Variants in ZC3H12B observed in about 807,000 individuals in gnomAD.
The protein encoded by ZC3H12B is probable ribonuclease ZC3H12B.
Under a neutral mutation model 43.9 loss-of-function variants are expected in ZC3H12B, and 7 were observed. The ratio of observed to expected loss-of-function variants is 0.16; its 90% confidence interval spans 0.09 to 0.30. The LOEUF is 0.30. Among genes scored for constraint, ZC3H12B ranks in the 10% least tolerant of loss-of-function variants. The pLI is 1.00. For synonymous variants in ZC3H12B, 222 were observed against 241.7 expected, an observed-to-expected ratio of 0.92 and a Z score of 0.76; for missense variants, 475 against 670.2, an observed-to-expected ratio of 0.71 and a Z score of 3.22.
At chrX:65,262,646 C>T in the ZC3H12B span, among the ~76,000 whole-genome samples, 2 of 110,098 alleles carry the variant, frequency 1.8e-5, no homozygotes, top group Admixed American at 1.9e-4. Flanking sequence ...CTAATTCTCA[C>T]AACATTGGAA....
exon 5 of ZC3H12B, chrX:65,502,650 C>T (rs1450796786): frequency 4.1e-6 from 5 of 1,209,702 alleles, no homozygotes; most frequent in Non-Finnish European, 5.6e-6. Flanking sequence ...AAGCAAGGCC[C>T]CCACAAACAG....
intron 3 of ZC3H12B, among the ~76,000 whole-genome samples, chrX:65,458,069 AAAAAAAAAAAAAAATT>A (rs2067659023): frequency 4.5e-5 from 4 of 89,204 alleles, no homozygotes; most frequent in African/African-American, 1.6e-4. Context: ...CAATAAAAAA[AAAAAAAAAAAAAAATT>A]AAAAAAAAAA....
At chrX:65,395,026 A>G (rs2066678057) in intron 2 of ZC3H12B, among the ~76,000 whole-genome samples, 1 of 111,661 alleles carries the variant, frequency 9.0e-6, no homozygotes, top group African/African-American at 3.3e-5. Flanking sequence ...ATTGGTGTAT[A>G]GGAATGCTTG....
chrX:65,295,908 A>AT, the ZC3H12B span, among the ~76,000 whole-genome samples: 1 of 111,541 alleles, frequency 9.0e-6, no homozygotes, highest in Admixed American at 9.6e-5. Context: ...TGAAACAGTA[A>AT]TAAAAAAAAA....
chrX:65,043,273 A>G, the ZC3H12B span, among the ~76,000 whole-genome samples: 1 of 110,959 alleles, frequency 9.0e-6, no homozygotes, highest in Admixed American at 9.6e-5. Context: ...GGAATAAACT[A>G]TATGAAGACA....
chrX:65,349,649 T>C, the ZC3H12B span, among the ~76,000 whole-genome samples: 1 of 110,668 alleles, frequency 9.0e-6, no homozygotes, highest in South Asian at 3.8e-4. Flanking sequence ...ATCAAATAGA[T>C]CCAATAAAAA....
the ZC3H12B span, among the ~76,000 whole-genome samples, chrX:65,211,629 A>G: frequency 1.1e-5 from 1 of 94,905 alleles, no homozygotes; most frequent in African/African-American, 3.8e-5. Context: ...CTAACAACTT[A>G]AAATTATAAT....
the ZC3H12B span, among the ~76,000 whole-genome samples, chrX:65,244,522 A>C: frequency 9.2e-6 from 1 of 108,759 alleles, no homozygotes. Context: ...AGGCAGAAGG[A>C]TCGCTTGAGC....
At chrX:65,342,618 G>A in the ZC3H12B span, among the ~76,000 whole-genome samples, 64 of 111,332 alleles carry the variant, frequency 5.7e-4, no homozygotes, top group African/African-American at 2.1e-3. Context: ...TGAGAACACA[G>A]ATACAACATA....
chrX:65,158,340 A>T, the ZC3H12B span, among the ~76,000 whole-genome samples: 1 of 111,488 alleles, frequency 9.0e-6, no homozygotes, highest in Non-Finnish European at 1.9e-5. Context: ...TCCCTGAGGA[A>T]TCGCCACACT....
chrX:65,232,994 C>A, the ZC3H12B span, among the ~76,000 whole-genome samples: 2 of 111,497 alleles, frequency 1.8e-5, no homozygotes, highest in South Asian at 7.4e-4. Flanking sequence ...TTAAAAAAGA[C>A]AAGGATGTGA....
intron 2 of ZC3H12B, among the ~76,000 whole-genome samples, chrX:65,392,259 C>T (rs1248917765): frequency 5.4e-5 from 6 of 111,340 alleles, no homozygotes; most frequent in African/African-American, 1.6e-4. Flanking sequence ...CTCTGCCTGG[C>T]TGCCCAGTCT....
At chrX:65,352,749 C>T in the ZC3H12B span, among the ~76,000 whole-genome samples, 1 of 112,149 alleles carries the variant, frequency 8.9e-6, no homozygotes, top group African/African-American at 3.2e-5. Flanking sequence ...TGTATGCTCA[C>T]TTCATGTCTC....
the ZC3H12B span, among the ~76,000 whole-genome samples, chrX:65,225,213 T>G: frequency 8.9e-6 from 1 of 111,794 alleles, no homozygotes; most frequent in Admixed American, 9.4e-5. Flanking sequence ...GCATTCGCGG[T>G]TCACGAAAAT....
At chrX:65,400,463 T>C (rs1010229194) in intron 3 of ZC3H12B, among the ~76,000 whole-genome samples, 6 of 112,093 alleles carry the variant, frequency 5.4e-5, no homozygotes, top group African/African-American at 1.9e-4. Flanking sequence ...TCTTCCCAAA[T>C]TCTGTTATTT....
chrX:65,199,568 A>G, the ZC3H12B span, among the ~76,000 whole-genome samples: 2 of 110,065 alleles, frequency 1.8e-5, no homozygotes, highest in East Asian at 2.9e-4. Context: ...TCCATCATCC[A>G]TTAGATATTC....
chrX:65,218,807 T>C, the ZC3H12B span, among the ~76,000 whole-genome samples: 1 of 111,495 alleles, frequency 9.0e-6, no homozygotes, highest in East Asian at 2.8e-4. Context: ...ATTCTTTCTA[T>C]ACTACTGCAG....
chrX:65,153,369 A>G, the ZC3H12B span, among the ~76,000 whole-genome samples: 784 of 112,090 alleles, frequency 7.0e-3, 4 homozygotes, highest in Middle Eastern at 0.023. Context: ...TCTACAATGA[A>G]CTCAAACAAA....
chrX:65,240,699 T>G, the ZC3H12B span, among the ~76,000 whole-genome samples: 1 of 112,552 alleles, frequency 8.9e-6, no homozygotes, highest in Non-Finnish European at 1.9e-5. Flanking sequence ...TTCATCCTTG[T>G]AGGCTTATTT....
Sources: gnomAD v4.1 joint callset for allele counts (sites outside exome capture counted in the v4.1 genomes callset) on GRCh38, gnomAD v4.1.1 for gene constraint, MANE v1.5 for transcripts, NCBI Gene and HGNC (gene_info 2026-07-23, HGNC 2026-07-21) for gene names.